The following KIAA1217 variants were observed in gnomAD, a reference collection of about 807,000 sequenced individuals.
KIAA1217 encodes KIAA1217.
Under a neutral mutation model 163.9 loss-of-function variants are expected in KIAA1217, and 88 were observed. The ratio of observed to expected loss-of-function variants is 0.54; its 90% CI spans 0.45 to 0.64. KIAA1217 has a LOEUF of 0.64. KIAA1217 is among the 30% of genes least tolerant of loss of function. The pLI, the probability that KIAA1217 is intolerant of heterozygous loss-of-function variation, is 0.00. For missense variants in KIAA1217, 2,372 were observed against 2,475.0 expected (o/e 0.96, Z 0.88); for synonymous variants, 903 against 923.1 (o/e 0.98, Z 0.39).
intron 1 of KIAA1217, among the ~76,000 whole-genome samples, chr10:24,213,008 T>G (rs1372086544): frequency 6.6e-6 from 1 of 152,180 alleles, no homozygotes; most frequent in Non-Finnish European, 1.5e-5. Context: ...GAGATCCTTT[T>G]GAAAGTGAAA....
intron 1 of KIAA1217, among the ~76,000 whole-genome samples, chr10:23,765,674 T>C (rs755612611): frequency 2.0e-5 from 3 of 152,172 alleles, no homozygotes; most frequent in Non-Finnish European, 2.9e-5. Context: ...CAAGATCTGA[T>C]GGCTTAAAAG....
chr10:24,447,402 A>G (rs1207763167), intron 5 of KIAA1217, among the ~76,000 whole-genome samples: 1 of 151,996 alleles, frequency 6.6e-6, no homozygotes, highest in African/African-American at 2.4e-5. Context: ...CCACCCCACA[A>G]CAGGCCCCGG....
chr10:23,884,914 A>G (rs1182631632), intron 1 of KIAA1217, among the ~76,000 whole-genome samples: 4 of 151,894 alleles, frequency 2.6e-5, no homozygotes, highest in Non-Finnish European at 5.9e-5. Flanking sequence ...CATTAACTCC[A>G]GCACTCCATC....
chr10:23,810,571 A>C (rs1339606787), intron 1 of KIAA1217, among the ~76,000 whole-genome samples: 6 of 129,774 alleles, frequency 4.6e-5, no homozygotes, highest in Non-Finnish European at 9.3e-5. Context: ...ATATAGTATA[A>C]TCTATATATA....
At chr10:23,898,350 A>G (rs764311214) in intron 1 of KIAA1217, among the ~76,000 whole-genome samples, 13 of 151,754 alleles carry the variant, frequency 8.6e-5, no homozygotes, top group Non-Finnish European at 1.6e-4. Context: ...ATATTTATAC[A>G]TGTACAACCA....
At chr10:23,847,810 G>A (rs1472960527) in intron 1 of KIAA1217, among the ~76,000 whole-genome samples, 1 of 151,970 alleles carries the variant, frequency 6.6e-6, no homozygotes, top group African/African-American at 2.4e-5. Context: ...TGTGATGTTA[G>A]GGTGTCGATT....
At chr10:24,113,453 T>C (rs2062933487) in intron 2 of KIAA1217, among the ~76,000 whole-genome samples, 1 of 152,196 alleles carries the variant, frequency 6.6e-6, no homozygotes, top group African/African-American at 2.4e-5. Context: ...GAAAAGCTTT[T>C]TAAGGAAGCC....
intron 5 of KIAA1217, 62 bp from the exon 6 acceptor site, chr10:24,473,166 T>A: frequency 8.3e-7 from 1 of 1,207,556 alleles, no homozygotes; most frequent in Non-Finnish European, 1.2e-6. Flanking sequence ...GGTTACACAC[T>A]GAGACTTCTC....
At chr10:24,492,800 T>G (rs1323035683) in intron 6 of KIAA1217, among the ~76,000 whole-genome samples, 1 of 91,900 alleles carries the variant, frequency 1.1e-5, no homozygotes, top group African/African-American at 4.5e-5. Flanking sequence ...AGGATGCAGA[T>G]GCACCAGCTT....
At chr10:24,231,153 G>C (rs2071355655) in intron 2 of KIAA1217, among the ~76,000 whole-genome samples, 2 of 152,118 alleles carry the variant, frequency 1.3e-5, no homozygotes, top group Admixed American at 1.3e-4. Flanking sequence ...AGAAGAAAAG[G>C]AGTTTGGCAC....
intron 1 of KIAA1217, among the ~76,000 whole-genome samples, chr10:23,773,337 C>A (rs1834875354): frequency 6.6e-6 from 1 of 151,666 alleles, no homozygotes; most frequent in Non-Finnish European, 1.5e-5. Flanking sequence ...TGTTTTGGTA[C>A]CAGTACCATG....
intron 2 of KIAA1217, among the ~76,000 whole-genome samples, chr10:24,029,961 G>A (rs898751666): frequency 4.6e-5 from 7 of 152,096 alleles, no homozygotes; most frequent in East Asian, 1.9e-4. Context: ...TCCTCTGATC[G>A]CAGAGTGACT....
chr10:24,544,938 G>A (rs1425464293), intron 19 of KIAA1217, 43 bp from the exon 20 acceptor site: 2 of 1,602,916 alleles, frequency 1.2e-6, no homozygotes, highest in Admixed American at 3.4e-5. Flanking sequence ...ACCTACTCAT[G>A]CGCTTCTCCT....
chr10:24,497,453 C>T (rs1239289031), intron 8 of KIAA1217, among the ~76,000 whole-genome samples: 1 of 152,150 alleles, frequency 6.6e-6, no homozygotes, highest in African/African-American at 2.4e-5. Flanking sequence ...GACAGCCAGG[C>T]TGGGCATGGT....
intron 2 of KIAA1217, among the ~76,000 whole-genome samples, chr10:24,102,729 C>T (rs1327293826): frequency 6.6e-6 from 1 of 152,186 alleles, no homozygotes; most frequent in African/African-American, 2.4e-5. Flanking sequence ...CCCTTCCCCT[C>T]AAGAAATAGA....
At chr10:23,759,893 G>A (rs2130854424) in intron 1 of KIAA1217, among the ~76,000 whole-genome samples, 1 of 152,302 alleles carries the variant, frequency 6.6e-6, no homozygotes, top group Middle Eastern at 3.4e-3. Context: ...TACATCATGA[G>A]TATGAAGAGT....
intron 2 of KIAA1217, among the ~76,000 whole-genome samples, chr10:24,041,204 A>G (rs1015893482): frequency 1.3e-5 from 2 of 152,228 alleles, no homozygotes; most frequent in African/African-American, 4.8e-5. Flanking sequence ...CCCCAAGGGA[A>G]CACAGAATAA....
intron 2 of KIAA1217, among the ~76,000 whole-genome samples, chr10:24,163,216 G>A (rs1256027507): frequency 6.6e-6 from 1 of 152,194 alleles, no homozygotes; most frequent in African/African-American, 2.4e-5. Context: ...GTACTGCAAT[G>A]CAGTGGCAAG....
At chr10:24,065,324 G>T in intron 2 of KIAA1217, among the ~76,000 whole-genome samples, 1 of 152,080 alleles carries the variant, frequency 6.6e-6, no homozygotes, top group Non-Finnish European at 1.5e-5. Context: ...ATGTGTCCCA[G>T]AGATTCTGGT....
Sources: gnomAD v4.1 joint callset for allele counts (sites outside exome capture counted in the v4.1 genomes callset) on GRCh38, gnomAD v4.1.1 for gene constraint, MANE v1.5 for transcripts, NCBI Gene and HGNC (gene_info 2026-07-23, HGNC 2026-07-21) for gene names.